BARD1: variants seen among roughly 807,000 people sequenced by gnomAD.
BARD1 encodes BRCA1-associated RING domain protein 1.
A neutral mutation model predicts 77.0 loss-of-function variants in BARD1; 73 were observed. The observed-to-expected ratio is 0.95, with a 90% confidence interval of 0.79 to 1.15. The LOEUF (loss-of-function observed/expected upper bound fraction) is 1.15, where lower values mean the gene tolerates loss of function less well. BARD1 is among the 50% of genes most tolerant of loss of function. BARD1 has a pLI of 0.00. For missense variants in BARD1, 993 were observed against 938.8 expected (o/e 1.06, Z -0.75); for synonymous variants, 384 against 338.0 (o/e 1.14, Z -1.49).
At chr2:214,745,936 A>C in intron 7 of BARD1, 82 bp from the exon 8 acceptor site, 1 of 1,487,378 alleles carries the variant, frequency 6.7e-7, no homozygotes, top group Admixed American at 1.7e-5. Flanking sequence ...ACTTGATATA[A>C]GCTTGAATTT....
At chr2:214,755,790 C>T (rs1266332041) in intron 6 of BARD1, among the ~76,000 whole-genome samples, 1 of 152,176 alleles carries the variant, frequency 6.6e-6, no homozygotes, top group African/African-American at 2.4e-5. Flanking sequence ...ATGAACATTA[C>T]AGACACAAAG....
chr2:214,736,142 C>G (rs1255609728), intron 9 of BARD1, among the ~76,000 whole-genome samples: 1 of 151,918 alleles, frequency 6.6e-6, no homozygotes, highest in Non-Finnish European at 1.5e-5. Flanking sequence ...AATAACCACT[C>G]ACTGAATTAA....
At chr2:214,748,594 AATG>A (rs1222270925) in intron 7 of BARD1, among the ~76,000 whole-genome samples, 2 of 152,150 alleles carry the variant, frequency 1.3e-5, no homozygotes, top group Non-Finnish European at 1.5e-5. Flanking sequence ...AAAATGAATG[AATG>A]ATAAGGAGTT....
intron 5 of BARD1, among the ~76,000 whole-genome samples, chr2:214,767,946 C>G (rs945305457): frequency 2.0e-5 from 3 of 149,398 alleles, no homozygotes; most frequent in Admixed American, 6.7e-5. Flanking sequence ...ACGGTAGCTC[C>G]TTAAATGTTC....
intron 6 of BARD1, among the ~76,000 whole-genome samples, chr2:214,756,373 C>T (rs959113755): frequency 9.9e-5 from 15 of 152,192 alleles, no homozygotes; most frequent in African/African-American, 3.6e-4. Context: ...CACTTCTACA[C>T]TGTTGGTGGA....
rs1195999928 is a variant in BARD1, at chr2:214,781,099, C to T, written c.775G>A (p.Asp259Asn). The T allele has an allele frequency of 1.9e-6, 3 of 1,585,864 alleles. No homozygotes were observed. Among genetic ancestry groups the T allele is most frequent in the Middle Eastern group, 3.4e-4 (2 of 5,880 alleles). Residue 259 changes from aspartate (D) to asparagine (N), a missense_variant, in exon 4 of 11, where the codon GAC (aspartate) becomes AAC (asparagine). Asp to Asn is a conservative substitution (Grantham distance 23). Coordinates refer to ENST00000260947, the MANE Select transcript of BARD1 (RefSeq NM_000465.4). ...ISSPQINGEI[D>N]LLASGSLTES... The stretch of plus-strand genomic sequence containing the variant: ...GTCAAGGAGCCACTTGCTAGTAAGT[C>T]TATTTCACCATTTATCTGAGGACTG...
intron 4 of BARD1, among the ~76,000 whole-genome samples, chr2:214,770,115 A>AGG (rs1187231923): frequency 6.6e-6 from 1 of 152,198 alleles, no homozygotes; most frequent in African/African-American, 2.4e-5. Context: ...TATTTGTTCA[A>AGG]CATTTTCTAG....
At chr2:214,791,724 A>G (rs757225577) in intron 3 of BARD1, among the ~76,000 whole-genome samples, 1 of 152,204 alleles carries the variant, frequency 6.6e-6, no homozygotes, top group Non-Finnish European at 1.5e-5. Context: ...GATCCATGGA[A>G]AAATGTCGTA....
intron 3 of BARD1, among the ~76,000 whole-genome samples, chr2:214,783,573 G>A (rs1171739681): frequency 6.6e-6 from 1 of 152,082 alleles, no homozygotes; most frequent in African/African-American, 2.4e-5. Context: ...GGGGTTGGGG[G>A]CAAGGGGAGT....
intron 9 of BARD1, among the ~76,000 whole-genome samples, chr2:214,733,805 A>C (rs1028648503): frequency 6.6e-6 from 1 of 152,212 alleles, no homozygotes; most frequent in Non-Finnish European, 1.5e-5. Context: ...CCACTGAGAT[A>C]ATCTCAATCA....
At chr2:214,738,039 G>A (rs552225450) in intron 9 of BARD1, among the ~76,000 whole-genome samples, 38 of 152,050 alleles carry the variant, frequency 2.5e-4, no homozygotes, top group Non-Finnish European at 4.9e-4. Flanking sequence ...GCATGAGTAA[G>A]TTTACGTAAA....
chr2:214,730,809 A>T, intron 9 of BARD1: 1 of 468,808 alleles, frequency 2.1e-6, no homozygotes, highest in South Asian at 1.7e-5. Context: ...ATACTATTTC[A>T]AAGACAAAAA....
intron 2 of BARD1, among the ~76,000 whole-genome samples, chr2:214,796,192 C>A (rs2106143788): frequency 6.6e-6 from 1 of 152,258 alleles, no homozygotes; most frequent in African/African-American, 2.4e-5. Flanking sequence ...TTCTCCTGAA[C>A]AAGAAATAAG....
At chr2:214,797,561 G>C (rs751645871) in intron 1 of BARD1, among the ~76,000 whole-genome samples, 11 of 152,116 alleles carry the variant, frequency 7.2e-5, no homozygotes, top group Non-Finnish European at 1.0e-4. Context: ...ACTTCTGAGA[G>C]TGAAGAGGAG....
intron 7 of BARD1, among the ~76,000 whole-genome samples, chr2:214,747,856 T>C (rs1006148710): frequency 1.3e-5 from 2 of 150,562 alleles, no homozygotes; most frequent in African/African-American, 4.9e-5. Context: ...TAAAGTATAA[T>C]AATAATAAAA....
chr2:214,735,547 A>G (rs115948874), intron 9 of BARD1, among the ~76,000 whole-genome samples: 2,994 of 152,282 alleles, frequency 0.02, 105 homozygotes, highest in African/African-American at 0.067. Context: ...ATTACTTCCA[A>G]TTCAGGGGAG....
Position 214,745,109 on chromosome 2 carries a change from T to C in BARD1, c.1861A>G (p.Met621Val), listed in dbSNP as rs1158758440. The stretch of plus-strand genomic sequence containing the variant: ...CAGCATCCATTGAGAATCCCAAGCA[T>C]ACACTTCAAGGTACTTTGAACTGCA... Reference protein sequence around the residue: ...GDAVQSTLKCMLGILNGCWIL... With the variant: ...GDAVQSTLKCVLGILNGCWIL... Residue 621 changes from methionine to valine, a missense_variant, in exon 9 of 11, where the codon ATG becomes GTG. By Grantham distance (21) the Met-to-Val change is conservative. Transcript: ENST00000260947. 1.2e-6 allele frequency: 2 copies of C among 1,614,082 alleles called. No individual in the cohort carries two copies. The highest frequency in any genetic ancestry group is 8.5e-7 in the Non-Finnish European group (1 of 1,179,992).
chr2:214,751,346 T>A (rs1259416661), intron 7 of BARD1, among the ~76,000 whole-genome samples: 1 of 149,996 alleles, frequency 6.7e-6, no homozygotes, highest in East Asian at 2.0e-4. Flanking sequence ...TTCATAGAGA[T>A]GGGATGGGGT....
In BARD1 at chr2:214,767,582, T is replaced by C. The variant is rs780964209; in HGVS notation, c.1468A>G (p.Thr490Ala). Residue 490 changes from threonine (T) to alanine (A), a missense_variant, in exon 6 of 11, where the codon ACC becomes GCC. Thr to Ala is a moderately conservative substitution (Grantham distance 58, BLOSUM62 0). Transcript: ENST00000260947. ...LLQHKALVNTTGYQNDSPLHD... is the reference protein window; with the variant it reads ...LLQHKALVNTAGYQNDSPLHD... ...AGTGGTGAGTCATTTTGATACCCGGTGGTGTTCACCAATGCCTTATGCTGG... is the reference window on the plus strand; with the variant it reads ...AGTGGTGAGTCATTTTGATACCCGGCGGTGTTCACCAATGCCTTATGCTGG... 1.2e-6 allele frequency: 2 copies of C among 1,614,102 alleles called. No individual in the cohort carries two copies. The highest frequency in any genetic ancestry group is 2.2e-5 in the East Asian group (1 of 44,878).
Sources: allele counts gnomAD v4.1 joint callset (sites outside exome capture counted in the v4.1 genomes callset), GRCh38; gene constraint gnomAD v4.1.1; transcripts MANE v1.5; gene names NCBI Gene and HGNC (gene_info 2026-07-23, HGNC 2026-07-21).